The following B3GAT1 variants were observed in gnomAD, a reference collection of about 807,000 sequenced individuals.
B3GAT1 encodes galactosylgalactosylxylosylprotein 3-beta-glucuronosyltransferase 1.
A neutral mutation model predicts 28.4 loss-of-function variants in B3GAT1; 11 were observed. The observed-to-expected ratio is 0.39, with a 90% CI of 0.24 to 0.64. The LOEUF (loss-of-function observed/expected upper bound fraction) is 0.64, where lower values mean the gene tolerates loss of function less well. B3GAT1 is among the 30% of genes least tolerant of loss of function. B3GAT1 has a pLI of 0.50. For missense variants in B3GAT1, 375 were observed against 491.0 expected (o/e 0.76, Z 2.23); for synonymous variants, 255 against 223.1 (o/e 1.14, Z -1.27).
intron 2 of B3GAT1, chr11:134,386,079 T>A (rs932157078): frequency 6.6e-6 from 1 of 152,218 alleles, no homozygotes; most frequent in African/African-American, 2.4e-5. Context: ...GAAGAGGCCC[T>A]AGGGTCGGGA....
In B3GAT1 at chr11:134,393,347, C is replaced by T. The variant is rs756829810; in HGVS notation, c.-281-5407G>A. Among the ~76,000 whole-genome samples, 3 of 152,208 alleles carry T rather than the reference C, an allele frequency of 2.0e-5. No individual in the cohort carries two copies. The highest frequency in any genetic ancestry group is 4.4e-5 in the Non-Finnish European group (3 of 68,040). ...CATGCTAATTTTTCCCAAATCCGAA[C>T]GACCCATCCTTGCTGGCTCTCAGCA... On this transcript the variant is annotated intron_variant, in intron 1 of 5. Transcript: ENST00000312527. The surrounding 1 kb of genome is among the most constrained non-coding windows in gnomAD (Gnocchi z 4.0).
intron 1 of B3GAT1, among the ~76,000 whole-genome samples, chr11:134,396,624 GA>G (rs5795883): frequency 0.097 from 14,248 of 147,444 alleles, 770 homozygotes; most frequent in African/African-American, 0.16. Flanking sequence ...AGGATAACTA[GA>G]AAAAAAAAAA....
chr11:134,397,397 T>C (rs115260800), intron 1 of B3GAT1, among the ~76,000 whole-genome samples: 3 of 152,064 alleles, frequency 2.0e-5, no homozygotes, highest in African/African-American at 7.2e-5. Context: ...CCTCCTGTTC[T>C]CTCCTGTTCC....
rs150624857 is a variant in B3GAT1, at chr11:134,384,144, G to A, written c.157C>T (p.Pro53Ser). ...PRRETPPGAD[P>S]REYCTSDRDI... ...CGGTCAGACGTGCAGTACTCCCTGG[G>A]GTCGGCGCCGGGCGGCGTTTCGCGT... The change falls in exon 3 of 6, where the codon CCC becomes TCC. Residue 53 changes from proline to serine, a missense_variant. By Grantham distance (74) the Pro-to-Ser change is moderately conservative. Coordinates refer to ENST00000312527, the MANE Select transcript of B3GAT1 (RefSeq NM_054025.3). 48 of 1,566,556 alleles carry A rather than the reference G, an allele frequency of 3.1e-5. No homozygotes were observed. Among genetic ancestry groups the A allele is most frequent in the Non-Finnish European group, 4.0e-5 (46 of 1,155,908 alleles).
At position 134,412,108 on chromosome 11, in the gene B3GAT1, G is replaced by GGGAGCGGGGAGGGGGAAGGT. The variant is rs1944872792; in HGVS notation, c.-584_-583insACCTTCCCCCTCCCCGCTCC. On this transcript the variant is annotated 5_prime_UTR_variant, in exon 1 of 6. Transcript: ENST00000312527. Reference sequence around the variant, plus strand: ...AGGCGGGGGGCGGGGGGCGGGGAGGGGGAGCGGGGAGGGGGAGCGGGGAGC... The same window carrying GGGAGCGGGGAGGGGGAAGGT: ...AGGCGGGGGGCGGGGGGCGGGGAGGGGGAGCGGGGAGGGGGAAGGTGGAGCGGGGAGGGGGAGCGGGGAGC... Among the ~76,000 whole-genome samples, 1 of 107,590 alleles carries GGGAGCGGGGAGGGGGAAGGT rather than the reference G, an allele frequency of 9.3e-6. No individual in the cohort carries two copies. The highest frequency in any genetic ancestry group is 3.4e-4 in the East Asian group (1 of 2,970). 70.6% of individuals were successfully genotyped at this position (107,590 alleles called of 152,430 possible).
At chr11:134,391,519 A>G (rs1565454047) in intron 1 of B3GAT1, 1 of 152,366 alleles carries the variant, frequency 6.6e-6, no homozygotes, top group Non-Finnish European at 1.5e-5. Context: ...GTCTCTAACA[A>G]GGACCCCAGA....
chr11:134,385,720 T>G (rs1944265306), intron 2 of B3GAT1: 1 of 152,260 alleles, frequency 6.6e-6, no homozygotes, highest in Non-Finnish European at 1.5e-5. Context: ...CCTTGGACAG[T>G]CCCCATACAT....
At chr11:134,382,342 C>T (rs969809015) in intron 4 of B3GAT1, among the ~76,000 whole-genome samples, 2 of 152,136 alleles carry the variant, frequency 1.3e-5, no homozygotes, top group African/African-American at 2.4e-5. Context: ...TGTTCATGTG[C>T]ATATGTGTAT....
chr11:134,405,293 C>A (rs977885890), intron 1 of B3GAT1, among the ~76,000 whole-genome samples: 3 of 152,156 alleles, frequency 2.0e-5, no homozygotes, highest in African/African-American at 7.2e-5. Flanking sequence ...CCATCAGCTA[C>A]GGGGACCCAG....
rs1373830465 is a variant in B3GAT1 at position 134,383,029 on chromosome 11, C to T, written c.622-23G>A. On this transcript the variant is annotated intron_variant, in intron 3 of 5. Coordinates refer to ENST00000312527, the MANE Select transcript of B3GAT1 (RefSeq NM_054025.3). Reference sequence around the variant, plus strand: ...CATCTACAAGGGGGGGGTCCAGAGTCAGGGCGCCGGCACTGCAGATGAGGA... The same window carrying T: ...CATCTACAAGGGGGGGGTCCAGAGTTAGGGCGCCGGCACTGCAGATGAGGA... 5.3e-6 allele frequency: 8 copies of T among 1,519,400 alleles called. No homozygotes were observed. The East Asian group carries it at 7.3e-5, about 14-fold the overall frequency. The allele number at this position is 1,519,400 out of a possible 1,614,324, so 94.1% of individuals were successfully genotyped here.
intron 4 of B3GAT1, 24 bp from the exon 5 acceptor site, chr11:134,382,048 A>T: frequency 6.2e-7 from 1 of 1,608,452 alleles, no homozygotes. Flanking sequence ...GATGCAAAAC[A>T]TGGTGGGACA....
rs547380322 is a variant in B3GAT1, at chr11:134,401,445, G to A, written c.-282+10362C>T. The stretch of plus-strand genomic sequence containing the variant: ...CTTTTTTTGCAGCAACATGGTTGCA[G>A]CTGGAGGCCATTATCCTAAGTGAAG... On this transcript the variant is annotated intron_variant, in intron 1 of 5. Coordinates refer to ENST00000312527, the MANE Select transcript of B3GAT1 (RefSeq NM_054025.3). Among the ~76,000 whole-genome samples the A allele has an allele frequency of 1.1e-4, 17 of 152,328 alleles. No individual in the cohort carries two copies. The South Asian group carries it at 1.7e-3, about 15-fold the overall frequency.
At chr11:134,405,970 G>A (rs1944723506) in intron 1 of B3GAT1, among the ~76,000 whole-genome samples, 1 of 152,262 alleles carries the variant, frequency 6.6e-6, no homozygotes, top group African/African-American at 2.4e-5. Context: ...GTCGCTCTGT[G>A]GAAGTGATTT....
chr11:134,393,997 C>T lies in B3GAT1; in HGVS notation c.-281-6057G>A, dbSNP rs1944458377. On this transcript the variant is annotated intron_variant, in intron 1 of 5. Coordinates refer to ENST00000312527, the MANE Select transcript of B3GAT1 (RefSeq NM_054025.3). The surrounding 1 kb of genome is among the most constrained non-coding windows in gnomAD (Gnocchi z 4.0). The stretch of plus-strand genomic sequence containing the variant: ...CGCCTGATGCCACAGCTAATCAGCT[C>T]CCAGCCCAGTCAATCCATACTTCAT... Among the ~76,000 whole-genome samples, 1 of 152,196 alleles carries T rather than the reference C, an allele frequency of 6.6e-6. No individual in the cohort carries two copies. The highest frequency in any genetic ancestry group is 1.9e-4 in the East Asian group (1 of 5,184).
chr11:134,384,532 T>G, intron 2 of B3GAT1: 6 of 311,964 alleles, frequency 1.9e-5, no homozygotes, highest in East Asian at 5.6e-5. Flanking sequence ...CTCCCCTCCC[T>G]AGCCCTACTC....
chr11:134,411,705 C>CACA lies in B3GAT1; in HGVS notation c.-282+101_-282+102insTGT. The CACA allele has an allele frequency of 6.6e-6, 1 of 151,480 alleles. No homozygotes were observed. 9.4% of individuals were successfully genotyped at this position (151,480 alleles called of 1,614,324 possible). ...ACACACACACACACACACACACACA[C>CACA]CCCAGCGCGCGCCCGGGAGGACATG... On this transcript the variant is annotated intron_variant, in intron 1 of 5. Coordinates refer to ENST00000312527, the MANE Select transcript of B3GAT1 (RefSeq NM_054025.3). The surrounding 1 kb of genome is among the most constrained non-coding windows in gnomAD (Gnocchi z 6.0).
chr11:134,389,010 A>G (rs1944354869), intron 1 of B3GAT1: 1 of 152,188 alleles, frequency 6.6e-6, no homozygotes, highest in South Asian at 2.1e-4. Context: ...GCTCTGTTTT[A>G]AGTTCTTGAG....
intron 1 of B3GAT1, among the ~76,000 whole-genome samples, chr11:134,397,590 A>AT (rs1944529922): frequency 7.2e-6 from 1 of 138,860 alleles, no homozygotes; most frequent in Non-Finnish European, 1.5e-5. Context: ...CCCCATTCCC[A>AT]CCCAGAGGGC....
intron 1 of B3GAT1, among the ~76,000 whole-genome samples, chr11:134,402,593 G>T (rs1186160184): frequency 6.6e-6 from 1 of 152,072 alleles, no homozygotes; most frequent in Non-Finnish European, 1.5e-5. Context: ...TAACCCCCCT[G>T]CCTGAAGAAG....
Sources: allele counts gnomAD v4.1 joint callset (sites outside exome capture counted in the v4.1 genomes callset), GRCh38; gene constraint gnomAD v4.1.1; non-coding constraint Gnocchi (gnomAD v3.1); transcripts MANE v1.5; gene names NCBI Gene and HGNC (gene_info 2026-07-23, HGNC 2026-07-21).